Variants in FAAH2 observed in about 807,000 individuals in gnomAD.
FAAH2 encodes fatty acid amide hydrolase 2, also known as fatty-acid amide hydrolase 2.
Under a neutral mutation model 36.9 loss-of-function variants are expected in FAAH2, and 60 were observed. The ratio of observed to expected loss-of-function variants is 1.63; its 90% CI spans 1.32 to 2.02. The LOEUF is 2.02. Ranked by LOEUF, FAAH2 falls within the 30% of genes most tolerant of loss-of-function variation. The pLI, the probability that FAAH2 is intolerant of heterozygous loss-of-function variation, is 0.00. For missense variants in FAAH2, 689 were observed against 397.5 expected, an observed-to-expected ratio of 1.73 and a Z score of -6.23; for synonymous variants, 214 against 143.8, an observed-to-expected ratio of 1.49 and a Z score of -3.49.
At chrX:57,204,308 A>G in the FAAH2 span, among the ~76,000 whole-genome samples, 1 of 111,368 alleles carries the variant, frequency 9.0e-6, no homozygotes, top group African/African-American at 3.3e-5. Flanking sequence ...TAACTGTGTC[A>G]TAGAGTGATT....
the FAAH2 span, among the ~76,000 whole-genome samples, chrX:57,195,726 A>G: frequency 1.8e-5 from 2 of 112,305 alleles, no homozygotes; most frequent in African/African-American, 6.5e-5. Flanking sequence ...CAGAATTTTT[A>G]GGGTTTCAGG....
the FAAH2 span, among the ~76,000 whole-genome samples, chrX:57,179,143 A>G: frequency 8.9e-6 from 1 of 111,902 alleles, no homozygotes; most frequent in Non-Finnish European, 1.9e-5. Flanking sequence ...TAAAAAGGAA[A>G]GACCATTACC....
chrX:57,236,321 T>C, the FAAH2 span, among the ~76,000 whole-genome samples: 1 of 112,331 alleles, frequency 8.9e-6, no homozygotes, highest in Non-Finnish European at 1.9e-5. Context: ...CAGATATGTT[T>C]TCAACATACT....
intron 8 of FAAH2, among the ~76,000 whole-genome samples, chrX:57,433,997 T>A (rs1036587678): frequency 1.8e-5 from 2 of 111,094 alleles, no homozygotes; most frequent in Non-Finnish European, 3.8e-5. Flanking sequence ...TCTTCAGCAA[T>A]AGACTCTGTG....
chrX:57,305,698 G>A (rs185498742), intron 2 of FAAH2, among the ~76,000 whole-genome samples: 1 of 111,479 alleles, frequency 9.0e-6, no homozygotes, highest in Non-Finnish European at 1.9e-5. Flanking sequence ...TAGTTTTTCA[G>A]CTTTATCTTG....
chrX:57,351,654 C>A (rs781158222), intron 5 of FAAH2, among the ~76,000 whole-genome samples: 1 of 109,343 alleles, frequency 9.1e-6, no homozygotes, highest in South Asian at 3.8e-4. Context: ...GAAATTTATA[C>A]CACAGATATA....
At chrX:57,417,517 A>T (rs1317523991) in intron 7 of FAAH2, among the ~76,000 whole-genome samples, 2 of 112,219 alleles carry the variant, frequency 1.8e-5, no homozygotes, top group Non-Finnish European at 3.8e-5. Context: ...ATTTGCTGGA[A>T]GTCCACTCCA....
At chrX:57,312,804 G>A (rs1372736282) in intron 3 of FAAH2, among the ~76,000 whole-genome samples, 7 of 111,569 alleles carry the variant, frequency 6.3e-5, no homozygotes, top group Non-Finnish European at 1.9e-5. Context: ...ATCAGTGCAA[G>A]AACTCTGGAA....
chrX:57,341,603 G>T (rs750382278), intron 5 of FAAH2, among the ~76,000 whole-genome samples: 51 of 108,038 alleles, frequency 4.7e-4, no homozygotes, highest in African/African-American at 1.6e-3. Context: ...TCTTTCAATA[G>T]TTATAATAGT....
At chrX:57,437,951 A>G (rs865933622) in intron 8 of FAAH2, among the ~76,000 whole-genome samples, 1 of 102,663 alleles carries the variant, frequency 9.7e-6, no homozygotes, top group Non-Finnish European at 2.0e-5. Context: ...GTACATGTAT[A>G]CACATATATA....
At chrX:57,244,513 A>T in the FAAH2 span, among the ~76,000 whole-genome samples, 1 of 112,140 alleles carries the variant, frequency 8.9e-6, no homozygotes. Context: ...CGGGTTACCC[A>T]CAAGGGAATC....
chrX:57,287,100 T>G (rs1458697757), intron 1 of FAAH2, 83 bp downstream of exon 1: 8 of 983,371 alleles, frequency 8.1e-6, no homozygotes, highest in Non-Finnish European at 8.1e-6. Context: ...TGGTTGTGGT[T>G]TCCTTTCCAT....
At chrX:57,139,555 G>A in the FAAH2 span, among the ~76,000 whole-genome samples, 1 of 111,146 alleles carries the variant, frequency 9.0e-6, no homozygotes, top group African/African-American at 3.3e-5. Context: ...CTGGGTTCAC[G>A]CCATTCTCCT....
chrX:57,364,337 T>C (rs1245303456), intron 5 of FAAH2, among the ~76,000 whole-genome samples: 1 of 109,305 alleles, frequency 9.1e-6, no homozygotes, highest in African/African-American at 3.3e-5. Flanking sequence ...CTAGGTTGTG[T>C]GCAGAGAGGT....
chrX:57,425,264 G>T (rs990494545), intron 7 of FAAH2, among the ~76,000 whole-genome samples: 1 of 111,491 alleles, frequency 9.0e-6, no homozygotes. Context: ...TCCCAAGAGA[G>T]AATAAAAAAC....
chrX:57,129,858 T>C, the FAAH2 span, among the ~76,000 whole-genome samples: 1 of 112,033 alleles, frequency 8.9e-6, no homozygotes, highest in Non-Finnish European at 1.9e-5. Flanking sequence ...AAAGGCCACT[T>C]CTTGACATAT....
At chrX:57,295,604 TGGG>T (rs1384116530) in intron 2 of FAAH2, among the ~76,000 whole-genome samples, 3 of 111,614 alleles carry the variant, frequency 2.7e-5, no homozygotes, top group East Asian at 5.7e-4. Flanking sequence ...TGCTGGACAG[TGGG>T]TGCAGGACAG....
chrX:57,178,324 C>A, the FAAH2 span, among the ~76,000 whole-genome samples: 1 of 112,094 alleles, frequency 8.9e-6, no homozygotes, highest in East Asian at 2.8e-4. Context: ...AAAAAGTTTT[C>A]TTTTTCCTAA....
At chrX:57,227,053 A>T in the FAAH2 span, among the ~76,000 whole-genome samples, 1 of 108,082 alleles carries the variant, frequency 9.3e-6, no homozygotes, top group Admixed American at 9.8e-5. Flanking sequence ...TTCTCCCTTC[A>T]CTTTTTGTAT....
Sources: gnomAD v4.1 joint callset for allele counts (sites outside exome capture counted in the v4.1 genomes callset) on GRCh38, gnomAD v4.1.1 for gene constraint, MANE v1.5 for transcripts, NCBI Gene and HGNC (gene_info 2026-07-23, HGNC 2026-07-21) for gene names.